CNGA2: variants seen among roughly 807,000 people sequenced by gnomAD.
CNGA2 encodes the protein cyclic nucleotide gated channel subunit alpha 2.
Under a neutral mutation model 35.9 loss-of-function variants are expected in CNGA2, and 22 were observed. The ratio of observed to expected loss-of-function variants is 0.61; its 90% CI spans 0.44 to 0.88. The LOEUF is 0.88. CNGA2 is among the 40% of genes least tolerant of loss of function. CNGA2 has a pLI of 0.00. For missense variants in CNGA2, 555 were observed against 530.8 expected (o/e 1.05, Z -0.45); for synonymous variants, 217 against 209.2 (o/e 1.04, Z -0.32).
intron 3 of CNGA2, among the ~76,000 whole-genome samples, 153 bp downstream of exon 3, chrX:151,739,032 C>T: frequency 8.9e-6 from 1 of 111,879 alleles, no homozygotes; most frequent in Middle Eastern, 4.6e-3. Flanking sequence ...ATTCCGTCCT[C>T]CTGAGGTCTG....
At position 151,738,605 on chromosome X, in the gene CNGA2, T is replaced by C. The variant is rs1412746451; in HGVS notation, c.110+12T>C. On this transcript the variant is annotated intron_variant, in intron 2 of 6. Transcript: ENST00000329903. ...AGGACAAGCAGCAGGTGAGTCTGCA[T>C]GGTATCAGGGAAGGTACAGAGGCTG... The C allele has an allele frequency of 2.5e-6, 3 of 1,184,724 alleles. No homozygotes were observed.
rs2015347714 is a variant in CNGA2, at chrX:151,744,071, G to A, written c.1568G>A (p.Ser523Asn). Residue 523 changes from serine (S) to asparagine (N), a missense_variant, in exon 7 of 7, where the codon AGT (serine) becomes AAT (asparagine). Ser to Asn is a conservative substitution (Grantham distance 46, BLOSUM62 1). Coordinates refer to ENST00000329903, the MANE Select transcript of CNGA2 (RefSeq NM_005140.3). ...LSAGSCFGEISILNIKGSKMG... is the reference protein window; with the variant it reads ...LSAGSCFGEINILNIKGSKMG... ...GCTGGAAGCTGCTTTGGCGAGATCA[G>A]TATCCTTAACATTAAGGGCAGTAAA... The A allele has an allele frequency of 8.3e-7, 1 of 1,209,075 alleles. No individual in the cohort carries two copies. Among genetic ancestry groups the A allele is most frequent in the Admixed American group, 2.2e-5 (1 of 45,620 alleles).
At chrX:151,738,985 G>C in intron 3 of CNGA2, 106 bp downstream of exon 3, 1 of 607,374 alleles carries the variant, frequency 1.6e-6, no homozygotes, top group Middle Eastern at 5.5e-4. Flanking sequence ...TGTCCACCAA[G>C]ACCTCCAAGG....
Position 151,743,383 on chromosome X carries a change from T to C in CNGA2, c.880T>C (p.Tyr294His), listed in dbSNP as rs1446851874. 1 of 1,210,397 alleles carries C rather than the reference T, an allele frequency of 8.3e-7. No homozygotes were observed. The highest frequency in any genetic ancestry group is 1.7e-5 in the African/African-American group (1 of 57,291). ...CATCCACTGGAATGCCTGCATCTAT[T>C]ATGCCATCTCCAAATCCATAGGCTT... ...VIIHWNACIY[Y>H]AISKSIGFGV... The change falls in exon 7 of 7, where the codon TAT (tyrosine) becomes CAT (histidine). Residue 294 changes from tyrosine to histidine, a missense_variant. Physicochemically the swap from Tyr to His is moderately conservative, Grantham distance 83. Transcript: ENST00000329903.
rs376885069 is a variant in CNGA2 at position 151,744,337 on chromosome X, T to G, written c.1834T>G (p.Tyr612Asp). 1.6e-5 allele frequency: 19 copies of G among 1,208,851 alleles called. No homozygotes were observed. The highest frequency in any genetic ancestry group is 2.0e-5 in the Non-Finnish European group (18 of 895,041). ...GCTGGAGACCAACATGGAAACCTTG[T>G]ACACTCGCTTTGGCCGCCTGCTGGC... is the stretch of plus-strand genomic sequence containing the variant. ...GQLETNMETL[Y>D]TRFGRLLAEY... The change falls in exon 7 of 7, where the codon TAC becomes GAC. Residue 612 changes from tyrosine (Y) to aspartate (D), a missense_variant. By Grantham distance (160) the Tyr-to-Asp change is radical. Coordinates refer to ENST00000329903, the MANE Select transcript of CNGA2 (RefSeq NM_005140.3).
Position 151,734,753 on chromosome X carries a change from T to C in CNGA2, c.-217T>C, listed in dbSNP as rs78392056. 1.8e-5 allele frequency among the ~76,000 whole-genome samples: 2 copies of C among 111,560 alleles called. No homozygotes were observed. Among genetic ancestry groups the C allele is most frequent in the East Asian group, 5.6e-4 (2 of 3,545 alleles). The stretch of plus-strand genomic sequence containing the variant: ...GAGGAGGAGAACGAAGGGAGTAGAC[T>C]CTATTATTTCAAGAAAGATGGCGTG... On this transcript the variant is annotated 5_prime_UTR_variant, in exon 1 of 7. Transcript: ENST00000329903.
In CNGA2 at chrX:151,740,905, A is replaced by T. The variant is rs776143922; in HGVS notation, c.482+4A>T. 4 of 1,199,385 alleles carry T rather than the reference A, an allele frequency of 3.3e-6. No homozygotes were observed. In the African/African-American group the frequency reaches 7.0e-5, roughly 21 times the overall value. On this transcript the variant is annotated splice_donor_region_variant and intron_variant, in intron 5 of 6. Transcript: ENST00000329903. ...ACTGGTGCCTGCTGGTGGCCAGGTG[A>T]GCAGGGTGGGGCCCAGGAGGGGTGG...
At chrX:151,741,654 C>G (rs749451511) in intron 5 of CNGA2, among the ~76,000 whole-genome samples, 1 of 112,625 alleles carries the variant, frequency 8.9e-6, no homozygotes, top group South Asian at 3.8e-4. Context: ...AAAGGGCAGT[C>G]AGGATCAGCG....
In CNGA2 at chrX:151,744,697, G is replaced by C. The variant is rs5969818; in HGVS notation, c.*199G>C. On this transcript the variant is annotated 3_prime_UTR_variant, in exon 7 of 7. Transcript: ENST00000329903. Reference sequence around the variant, plus strand: ...TTAGCCCAAGTTTGTGGAGAGTACAGACTGCGTTGGCTGGGCTTCCGAGAG... The same window carrying C: ...TTAGCCCAAGTTTGTGGAGAGTACACACTGCGTTGGCTGGGCTTCCGAGAG... 47,643 of 370,912 alleles carry C rather than the reference G, an allele frequency of 0.13. 2,985 individuals are homozygous for C. The highest frequency in any genetic ancestry group is 0.35 in the African/African-American group (13,855 of 39,679). The allele number at this position is 370,912 out of a possible 1,213,427, so 30.6% of individuals were successfully genotyped here.
chrX:151,742,077 G>A (rs776537150), intron 5 of CNGA2, among the ~76,000 whole-genome samples: 3 of 112,635 alleles, frequency 2.7e-5, no homozygotes, highest in South Asian at 7.5e-4. Context: ...TCCCTCTCAC[G>A]TGTATTGGCT....
rs988978506 is a variant in CNGA2 at position 151,745,558 on chromosome X, T to C, written c.*1060T>C. Among the ~76,000 whole-genome samples, 1 of 112,597 alleles carries C rather than the reference T, an allele frequency of 8.9e-6. No individual in the cohort carries two copies. Among genetic ancestry groups the C allele is most frequent in the East Asian group, 2.8e-4 (1 of 3,590 alleles). ...AACACCTAATACAATGTCAGTGCTA[T>C]GTAAATAGCTGTTATATTGTATCTT... is the stretch of plus-strand genomic sequence containing the variant. On this transcript the variant is annotated 3_prime_UTR_variant, in exon 7 of 7. Transcript: ENST00000329903.
At position 151,738,780 on chromosome X, in the gene CNGA2, T is replaced by A; in HGVS notation, c.111-7T>A. ...ACCCTGGGTCAATTCTGCTCTTTTT[T>A]CTGCAGGCCACACTCTGCAGCTGAC... On this transcript the variant is annotated splice_region_variant and splice_polypyrimidine_tract_variant and intron_variant, in intron 2 of 6. Coordinates refer to ENST00000329903, the MANE Select transcript of CNGA2 (RefSeq NM_005140.3). 3 of 1,161,503 alleles carry A rather than the reference T, an allele frequency of 2.6e-6. No individual in the cohort carries two copies. The highest frequency in any genetic ancestry group is 3.2e-5 in the East Asian group (1 of 31,370).
Position 151,739,223 on chromosome X carries a change from A to T in CNGA2, c.204-339A>T, listed in dbSNP as rs1001228808. ...AAGCAGGAAGCTCAGGGCAAGCTTT[A>T]CTCATGATAGTTCCTGCCTTAACAC... On this transcript the variant is annotated intron_variant, in intron 3 of 6. Coordinates refer to ENST00000329903, the MANE Select transcript of CNGA2 (RefSeq NM_005140.3). Among the ~76,000 whole-genome samples, 5 of 112,040 alleles carry T rather than the reference A, an allele frequency of 4.5e-5. No individual in the cohort carries two copies. The Admixed American group carries it at 4.7e-4, about 11-fold the overall frequency.
At chrX:151,742,452 T>G (rs2015313948) in intron 5 of CNGA2, 84 bp from the exon 6 acceptor site, 1 of 694,944 alleles carries the variant, frequency 1.4e-6, no homozygotes, top group Non-Finnish European at 2.3e-6. Context: ...TCCCAAGCCC[T>G]GCACACAGTG....
chrX:151,739,588 G>C lies in CNGA2; in HGVS notation c.230G>C (p.Arg77Thr), dbSNP rs371038847. The C allele has an allele frequency of 2.7e-5, 33 of 1,210,001 alleles. No homozygotes were observed. The African/African-American group carries it at 4.4e-4, about 16-fold the overall frequency. Residue 77 changes from arginine to threonine, a missense_variant, in exon 4 of 7, where the codon AGA becomes ACA. Transcript: ENST00000329903. ...ATAGTTCGCCTGGTGGGGATCATCA[G>C]AGAATGGGCCAACAAGAATTTCCGA... ...RRIVRLVGII[R>T]EWANKNFREE...
Position 151,739,641 on chromosome X carries a change from C to G in CNGA2, c.283C>G (p.Leu95Val). ...GGAGGAACCTAGGCCTGACTCATTCCTCGAGCGTTTTCGTGGGCCTGAACT... is the reference window on the plus strand; with the variant it reads ...GGAGGAACCTAGGCCTGACTCATTCGTCGAGCGTTTTCGTGGGCCTGAACT... ...REEEPRPDSF[L>V]ERFRGPELQT... Residue 95 changes from leucine (L) to valine (V), a missense_variant, in exon 4 of 7, where the codon CTC (leucine) becomes GTC (valine). Physicochemically the swap from Leu to Val is conservative, Grantham distance 32. Coordinates refer to ENST00000329903, the MANE Select transcript of CNGA2 (RefSeq NM_005140.3). 1.7e-6 allele frequency: 2 copies of G among 1,211,703 alleles called. No individual in the cohort carries two copies. The highest frequency in any genetic ancestry group is 2.2e-6 in the Non-Finnish European group (2 of 895,497).
Position 151,743,589 on chromosome X carries a change from C to T in CNGA2, c.1086C>T (p.Leu362=). 8.3e-7 allele frequency: 1 copy of T among 1,211,595 alleles called. No individual in the cohort carries two copies. Among genetic ancestry groups the T allele is most frequent in the South Asian group, 1.8e-5 (1 of 56,955 alleles). ...FVIFDFLIGV[L]IFATIVGNVG... is the part of the protein sequence containing the mutation. ...TCTTTGACTTCCTGATTGGCGTCCT[C>T]ATCTTTGCCACCATCGTGGGAAATG... is the stretch of plus-strand genomic sequence containing the variant. Residue 362 remains leucine, a synonymous_variant, in exon 7 of 7, where the codon CTC becomes CTT. Coordinates refer to ENST00000329903, the MANE Select transcript of CNGA2 (RefSeq NM_005140.3).
chrX:151,739,121 C>T (rs1269807572), intron 3 of CNGA2, among the ~76,000 whole-genome samples: 2 of 112,595 alleles, frequency 1.8e-5, no homozygotes, highest in African/African-American at 3.2e-5. Flanking sequence ...CATCAGGGAG[C>T]GATATCCTTC....
Position 151,743,861 on chromosome X carries a change from G to A in CNGA2, c.1358G>A (p.Arg453His), listed in dbSNP as rs201053120. The A allele has an allele frequency of 1.5e-4, 187 of 1,209,574 alleles. No homozygotes were observed. Among genetic ancestry groups the A allele is most frequent in the Non-Finnish European group, 1.1e-4 (102 of 895,184 alleles). ...NVHLSTLKKV[R>H]IFHDCEAGLL... ...CACTTGTCCACACTCAAGAAAGTGCGCATCTTCCATGATTGTGAGGCTGGC... is the reference window on the plus strand; with the variant it reads ...CACTTGTCCACACTCAAGAAAGTGCACATCTTCCATGATTGTGAGGCTGGC... The change falls in exon 7 of 7, where the codon CGC becomes CAC. Residue 453 changes from arginine to histidine, a missense_variant. Physicochemically the swap from Arg to His is conservative, Grantham distance 29 (BLOSUM62 0). Transcript: ENST00000329903.
Sources: allele counts gnomAD v4.1 joint callset (sites outside exome capture counted in the v4.1 genomes callset), GRCh38; gene constraint gnomAD v4.1.1; transcripts MANE v1.5; gene names NCBI Gene and HGNC (gene_info 2026-07-23, HGNC 2026-07-21).